Variants in MB21D2 observed in about 807,000 individuals in gnomAD.
The protein encoded by MB21D2 is Mab-21 domain containing 2, also known as nucleotidyltransferase MB21D2.
In MB21D2, 9 loss-of-function variants were observed where a neutral mutation model predicts 33.3. The observed-to-expected ratio is 0.27, with a 90% CI of 0.16 to 0.47. The LOEUF is 0.47. MB21D2 is among the 20% of genes least tolerant of loss of function. The pLI is 0.99. For missense variants in MB21D2, 540 were observed against 624.6 expected, an observed-to-expected ratio of 0.86 and a Z score of 1.44; for synonymous variants, 241 against 236.3, an observed-to-expected ratio of 1.02 and a Z score of -0.18.
intron 1 of MB21D2, among the ~76,000 whole-genome samples, chr3:192,840,171 GATC>G (rs1311015430): frequency 6.6e-6 from 1 of 152,102 alleles, no homozygotes; most frequent in African/African-American, 2.4e-5. Context: ...TATAAAAGAT[GATC>G]ATGAGAGGGA....
At chr3:192,902,844 C>T (rs764031228) in intron 1 of MB21D2, among the ~76,000 whole-genome samples, 1 of 152,182 alleles carries the variant, frequency 6.6e-6, no homozygotes, top group Non-Finnish European at 1.5e-5. Context: ...GAGTCCAGCC[C>T]GCCAGCCTTG....
chr3:192,887,685 C>T (rs1447889117), intron 1 of MB21D2, among the ~76,000 whole-genome samples: 1 of 152,046 alleles, frequency 6.6e-6, no homozygotes, highest in Non-Finnish European at 1.5e-5. Context: ...AATGGCTTAG[C>T]CCAACAAAAA....
rs144270476 is a variant in MB21D2 at position 192,855,649 on chromosome 3, C to T, written c.212-55999G>A. Among the ~76,000 whole-genome samples the T allele has an allele frequency of 2.7e-3, 408 of 152,310 alleles. 1 individual carries two copies. The highest frequency in any genetic ancestry group is 9.1e-3 in the African/African-American group (380 of 41,572). ...ACACAGAGTCAAAACACAGAAGTGC[C>T]AGGATTCAGTACTAGGTCTGTATAC... On this transcript the variant is annotated intron_variant, in intron 1 of 1. Transcript: ENST00000392452.
rs191681223 is a variant in MB21D2 at position 192,822,238 on chromosome 3, T to C, written c.212-22588A>G. On this transcript the variant is annotated intron_variant, in intron 1 of 1. Coordinates refer to ENST00000392452, the MANE Select transcript of MB21D2 (RefSeq NM_178496.4). ...GGCATCTGCTTAAAGTTTTCATTCC[T>C]AATAAGAGATGTTTCTAAATTGAGT... Among the ~76,000 whole-genome samples, 54 of 152,296 alleles carry C rather than the reference T, an allele frequency of 3.5e-4. No individual in the cohort carries two copies. In the Middle Eastern group the frequency reaches 0.017, roughly 48 times the overall value.
intron 1 of MB21D2, among the ~76,000 whole-genome samples, chr3:192,851,656 C>T (rs762974675): frequency 1.7e-5 from 2 of 117,034 alleles, no homozygotes; most frequent in Non-Finnish European, 3.4e-5. Context: ...CGCCATATCC[C>T]GCTAATTTTT....
chr3:192,854,152 G>A, intron 1 of MB21D2, among the ~76,000 whole-genome samples: 1 of 152,228 alleles, frequency 6.6e-6, no homozygotes, highest in South Asian at 2.1e-4. Flanking sequence ...AGGAGAGCAT[G>A]TCAAAAGCTG....
At chr3:192,858,435 T>G (rs1178378843) in intron 1 of MB21D2, among the ~76,000 whole-genome samples, 1 of 152,206 alleles carries the variant, frequency 6.6e-6, no homozygotes, top group Non-Finnish European at 1.5e-5. Context: ...CATATTATAA[T>G]TCATATCTGA....
chr3:192,874,474 A>C (rs552783350), intron 1 of MB21D2, among the ~76,000 whole-genome samples: 1 of 152,328 alleles, frequency 6.6e-6, no homozygotes, highest in East Asian at 1.9e-4. Flanking sequence ...ATCAAAATTT[A>C]CCTAAACGAT....
At chr3:192,881,294 A>G (rs1231604127) in intron 1 of MB21D2, among the ~76,000 whole-genome samples, 5 of 152,070 alleles carry the variant, frequency 3.3e-5, no homozygotes, top group African/African-American at 1.2e-4. Context: ...ACTAGACAAA[A>G]GTCTTGGACC....
intron 1 of MB21D2, among the ~76,000 whole-genome samples, chr3:192,912,470 A>G (rs2108656826): frequency 6.6e-6 from 1 of 152,194 alleles, no homozygotes; most frequent in African/African-American, 2.4e-5. Flanking sequence ...GGAGTTCTAG[A>G]CCAGCCTTGG....
At chr3:192,806,531 C>T (rs1711664675) in intron 1 of MB21D2, among the ~76,000 whole-genome samples, 1 of 152,218 alleles carries the variant, frequency 6.6e-6, no homozygotes, top group Non-Finnish European at 1.5e-5. Context: ...GAAAAGGCGT[C>T]ACAAATGAAA....
intron 1 of MB21D2, among the ~76,000 whole-genome samples, chr3:192,839,749 T>C (rs994424331): frequency 2.6e-5 from 4 of 152,196 alleles, no homozygotes; most frequent in South Asian, 4.1e-4. Flanking sequence ...ATTCAGAGTA[T>C]AGCCGCTAAA....
intron 1 of MB21D2, among the ~76,000 whole-genome samples, chr3:192,857,826 T>C (rs139500293): frequency 6.6e-6 from 1 of 152,078 alleles, no homozygotes; most frequent in Admixed American, 6.5e-5. Context: ...AAATCACATA[T>C]GATAAAAGCG....
chr3:192,833,443 C>A (rs1309766578), intron 1 of MB21D2, among the ~76,000 whole-genome samples: 1 of 152,160 alleles, frequency 6.6e-6, no homozygotes, highest in Non-Finnish European at 1.5e-5. Flanking sequence ...AAACAAAAAA[C>A]TTCCACTTCA....
chr3:192,884,406 A>G lies in MB21D2; in HGVS notation c.211+33224T>C, dbSNP rs146319260. ...TGTTGAGACGGAGTCTTGCTCTGTC[A>G]CCCAGGCTGGAGTGCAGTGGCGCGA... On this transcript the variant is annotated intron_variant, in intron 1 of 1. Coordinates refer to ENST00000392452, the MANE Select transcript of MB21D2 (RefSeq NM_178496.4). Among the ~76,000 whole-genome samples the G allele has an allele frequency of 6.5e-3, 987 of 151,970 alleles. 3 individuals are homozygous for G. The highest frequency in any genetic ancestry group is 8.8e-3 in the Non-Finnish European group (596 of 67,996).
intron 1 of MB21D2, among the ~76,000 whole-genome samples, chr3:192,899,758 C>T (rs1434324837): frequency 6.6e-6 from 1 of 152,126 alleles, no homozygotes; most frequent in African/African-American, 2.4e-5. Flanking sequence ...GCCTCATTTC[C>T]TCTTCAGCTC....
Position 192,797,781 on chromosome 3 carries a change from T to C in MB21D2, c.*605A>G, listed in dbSNP as rs1271294931. The C allele has an allele frequency of 6.5e-6, 1 of 152,676 alleles. No homozygotes were observed. Among genetic ancestry groups the C allele is most frequent in the Non-Finnish European group, 1.5e-5 (1 of 68,088 alleles). 9.5% of individuals were successfully genotyped at this position (152,676 alleles called of 1,614,324 possible). Reference sequence around the variant, plus strand: ...CCAGTGTTCTCTGATTTGAGGACAATTACATTCAATGAAGTTGCTCCAAAA... The same window carrying C: ...CCAGTGTTCTCTGATTTGAGGACAACTACATTCAATGAAGTTGCTCCAAAA... On this transcript the variant is annotated 3_prime_UTR_variant, in exon 2 of 2. Coordinates refer to ENST00000392452, the MANE Select transcript of MB21D2 (RefSeq NM_178496.4).
At chr3:192,822,362 G>T (rs1296667053) in intron 1 of MB21D2, among the ~76,000 whole-genome samples, 1 of 152,162 alleles carries the variant, frequency 6.6e-6, no homozygotes, top group African/African-American at 2.4e-5. Context: ...GGTGACAGGA[G>T]TTCACCTCAG....
intron 1 of MB21D2, among the ~76,000 whole-genome samples, chr3:192,852,965 C>T (rs1453762998): frequency 1.3e-5 from 2 of 152,122 alleles, no homozygotes; most frequent in Non-Finnish European, 2.9e-5. Flanking sequence ...TCTTTCATTT[C>T]TGTTAGCTAC....
Sources: gnomAD v4.1 joint callset for allele counts (sites outside exome capture counted in the v4.1 genomes callset) on GRCh38, gnomAD v4.1.1 for gene constraint, MANE v1.5 for transcripts, NCBI Gene and HGNC (gene_info 2026-07-23, HGNC 2026-07-21) for gene names.